PTPRA: variants seen among roughly 807,000 people sequenced by gnomAD.
PTPRA encodes the protein protein tyrosine phosphatase receptor type A, also known as receptor-type tyrosine-protein phosphatase alpha.
A neutral mutation model predicts 104.8 loss-of-function variants in PTPRA; 25 were observed. The ratio of observed to expected loss-of-function variants is 0.24; its 90% CI spans 0.17 to 0.33. The LOEUF (loss-of-function observed/expected upper bound fraction) is 0.33. Ranked by LOEUF, PTPRA falls within the 10% of genes least tolerant of loss-of-function variation. The probability of loss-of-function intolerance (pLI) is 1.00; values close to 1 mark genes in which losing one functional copy is unlikely to be tolerated. For missense variants in PTPRA, 765 were observed against 1,015.3 expected, an observed-to-expected ratio of 0.75 and a Z score of 3.35; for synonymous variants, 323 against 368.9, an observed-to-expected ratio of 0.88 and a Z score of 1.43.
chr20:3,022,223 C>T lies in PTPRA; in HGVS notation c.1328+3C>T. On this transcript the variant is annotated splice_donor_region_variant and intron_variant, in intron 15 of 23. Coordinates refer to ENST00000399903, the MANE Select transcript of PTPRA (RefSeq NM_001385305.1). This position sits in a 1 kb window ranked among gnomAD's most constrained non-coding sequence, Gnocchi z 4.6. ...GGGGCCATCGTGGTCCACTGCAGGT[C>T]AGTGTGGCCTGACCCTTGTACCCCC... The T allele has an allele frequency of 6.2e-7, 1 of 1,613,944 alleles. No individual in the cohort carries two copies. The highest frequency in any genetic ancestry group is 8.5e-7 in the Non-Finnish European group (1 of 1,179,878).
At chr20:2,976,829 G>A (rs2062452580) in intron 6 of PTPRA, among the ~76,000 whole-genome samples, 1 of 152,150 alleles carries the variant, frequency 6.6e-6, no homozygotes, top group South Asian at 2.1e-4. Context: ...GATGAATTAG[G>A]GGCTACCTGT....
intron 2 of PTPRA, among the ~76,000 whole-genome samples, chr20:2,932,667 G>C (rs927427025): frequency 1.3e-5 from 2 of 152,212 alleles, no homozygotes; most frequent in Admixed American, 1.3e-4. Flanking sequence ...AGCTTGGGCT[G>C]CTGTGCTAGA....
intron 13 of PTPRA, among the ~76,000 whole-genome samples, chr20:3,020,202 G>A (rs546076973): frequency 4.6e-4 from 70 of 152,136 alleles, no homozygotes; most frequent in Non-Finnish European, 7.8e-4. Flanking sequence ...TCCGCCTCCC[G>A]GGTTCACACC....
chr20:2,866,175 A>G, the PTPRA span: 16 of 1,591,248 alleles, frequency 1.0e-5, no homozygotes, highest in Non-Finnish European at 1.1e-5. Flanking sequence ...AGGGCTGTGC[A>G]TTACCTTCTC....
At chr20:3,013,571 C>T (rs1382854877) in intron 11 of PTPRA, among the ~76,000 whole-genome samples, 66 of 152,060 alleles carry the variant, frequency 4.3e-4, no homozygotes, top group Non-Finnish European at 2.9e-5. Context: ...CACCACCACA[C>T]CTGCTAATTT....
At chr20:2,920,873 G>T (rs953677990) in intron 1 of PTPRA, among the ~76,000 whole-genome samples, 3 of 152,082 alleles carry the variant, frequency 2.0e-5, no homozygotes, top group African/African-American at 7.2e-5. Flanking sequence ...GGCTATTTAT[G>T]TGCTGAGGGA....
At chr20:2,869,542 A>G (rs1331729405), upstream of PTPRA, among the ~76,000 whole-genome samples, 1 of 152,222 alleles carries the variant, frequency 6.6e-6, no homozygotes, top group East Asian at 1.9e-4. Context: ...CTATGCCTAC[A>G]TGGGTGGGCA....
At position 3,037,147 on chromosome 20, in the gene PTPRA, G is replaced by A; in HGVS notation, c.2199-7G>A. 1 of 1,613,662 alleles carries A rather than the reference G, an allele frequency of 6.2e-7. No homozygotes were observed. Among genetic ancestry groups the A allele is most frequent in the South Asian group, 1.1e-5 (1 of 91,032 alleles). On this transcript the variant is annotated splice_polypyrimidine_tract_variant and splice_region_variant and intron_variant, in intron 22 of 23. Transcript: ENST00000399903. This position sits in a 1 kb window ranked among gnomAD's most constrained non-coding sequence, Gnocchi z 4.3. ...CAGGTGTGGTAAATGTGTCTGCTCT[G>A]TTGCAGCGCCGGGGCAGGAAGGACG... is the stretch of plus-strand genomic sequence containing the variant.
intron 6 of PTPRA, among the ~76,000 whole-genome samples, chr20:2,980,832 C>G (rs1305947559): frequency 1.3e-5 from 2 of 152,218 alleles, no homozygotes; most frequent in Non-Finnish European, 2.9e-5. Flanking sequence ...GAGCTATGCC[C>G]TGGACCATTG....
chr20:2,885,389 G>T (rs1479056300), intron 1 of PTPRA, among the ~76,000 whole-genome samples: 1 of 152,132 alleles, frequency 6.6e-6, no homozygotes, highest in Admixed American at 6.5e-5. Context: ...ATCTCCAAAT[G>T]TGTTTCTAAA....
At chr20:2,949,041 A>G (rs1184334740) in intron 3 of PTPRA, among the ~76,000 whole-genome samples, 1 of 151,932 alleles carries the variant, frequency 6.6e-6, no homozygotes, top group Non-Finnish European at 1.5e-5. Context: ...ACTTATGGGG[A>G]AATCTTTAAG....
rs60627339 is a variant in PTPRA at position 2,897,384 on chromosome 20, C to CTTT, written c.-129+23643_-129+23645dup. Among the ~76,000 whole-genome samples the CTTT allele has an allele frequency of 2.7e-3, 296 of 108,902 alleles. 4 individuals carry two copies. The highest frequency in any genetic ancestry group is 6.8e-3 in the African/African-American group (179 of 26,368). 71.4% of individuals were successfully genotyped at this position (108,902 alleles called of 152,430 possible). A position where few individuals can be genotyped will look rare whatever the true frequency, so the allele number is the denominator to read the frequency against. On this transcript the variant is annotated intron_variant, in intron 1 of 23. Transcript: ENST00000399903. ...CTTCTGAATTCATCACTTGGCATTTCTTTTTTTTTTTTTTTTTTTTTGAGA... is the reference window on the plus strand; with the variant it reads ...CTTCTGAATTCATCACTTGGCATTTCTTTTTTTTTTTTTTTTTTTTTTTTGAGA...
intron 2 of PTPRA, among the ~76,000 whole-genome samples, chr20:2,928,731 T>G (rs2060398378): frequency 6.6e-6 from 1 of 152,104 alleles, no homozygotes; most frequent in Admixed American, 6.6e-5. Context: ...GGGTTGTTCA[T>G]ATAATGTTCT....
chr20:2,994,189 A>T (rs2063305465), intron 9 of PTPRA, among the ~76,000 whole-genome samples: 1 of 152,122 alleles, frequency 6.6e-6, no homozygotes, highest in South Asian at 2.1e-4. Context: ...AAAGATGAGG[A>T]GGGAGGTTTA....
chr20:2,964,212 C>A, intron 3 of PTPRA, 60 bp from the exon 4 acceptor site: 1 of 1,344,486 alleles, frequency 7.4e-7, no homozygotes, highest in Non-Finnish European at 1.0e-6. Flanking sequence ...TTCTGGTGAC[C>A]AGCTCAGACA....
rs117946273 is a variant in PTPRA at position 2,949,691 on chromosome 20, T to C, written c.-7+1667T>C. 8.0e-4 allele frequency among the ~76,000 whole-genome samples: 121 copies of C among 152,042 alleles called. 1 individual carries two copies. Among genetic ancestry groups the C allele is most frequent in the Non-Finnish European group, 4.3e-4 (29 of 68,000 alleles). On this transcript the variant is annotated intron_variant, in intron 3 of 23. Coordinates refer to ENST00000399903, the MANE Select transcript of PTPRA (RefSeq NM_001385305.1). Reference sequence around the variant, plus strand: ...CTGATTTTCAAAGGAATGCTTTCCGTTTCTCTCTGTTGAAGATAATTGCGT... The same window carrying C: ...CTGATTTTCAAAGGAATGCTTTCCGCTTCTCTCTGTTGAAGATAATTGCGT...
At chr20:2,982,659 G>A (rs2148095970) in intron 6 of PTPRA, among the ~76,000 whole-genome samples, 1 of 151,948 alleles carries the variant, frequency 6.6e-6, no homozygotes, top group South Asian at 2.1e-4. Context: ...AAAATAATAA[G>A]GTCCTTGCCT....
Position 3,021,266 on chromosome 20 carries a change from CAGG to C in PTPRA, c.1042-39_1042-37del, listed in dbSNP as rs999582080. ...CCAGGCCCTTTGCATCTGCCATGGGCAGGAGGTCTAAGGTCAGGGAATGTATGT... is the reference window on the plus strand; with the variant it reads ...CCAGGCCCTTTGCATCTGCCATGGGCAGGTCTAAGGTCAGGGAATGTATGT... On this transcript the variant is annotated intron_variant, in intron 13 of 23. Transcript: ENST00000399903. 5 of 1,611,094 alleles carry C rather than the reference CAGG, an allele frequency of 3.1e-6. No homozygotes were observed. In the African/African-American group the frequency reaches 5.3e-5, roughly 17 times the overall value.
At chr20:3,001,667 A>G (rs1371624361) in intron 9 of PTPRA, among the ~76,000 whole-genome samples, 2 of 152,218 alleles carry the variant, frequency 1.3e-5, no homozygotes, top group South Asian at 2.1e-4. Context: ...AATGGTCTCT[A>G]CTGCGTGTGT....
Sources: gnomAD v4.1 joint callset for allele counts (sites outside exome capture counted in the v4.1 genomes callset) on GRCh38, gnomAD v4.1.1 for gene constraint, Gnocchi (gnomAD v3.1) non-coding constraint, MANE v1.5 for transcripts, NCBI Gene and HGNC (gene_info 2026-07-23, HGNC 2026-07-21) for gene names.